ADAMTS18: variants seen among roughly 807,000 people sequenced by gnomAD.
ADAMTS18 encodes the protein ADAM metallopeptidase with thrombospondin type 1 motif 18.
A neutral mutation model predicts 165.9 loss-of-function variants in ADAMTS18; 157 were observed. The ratio of observed to expected loss-of-function variants is 0.95; its 90% CI spans 0.83 to 1.08. The LOEUF (loss-of-function observed/expected upper bound fraction) is 1.08. Among genes scored for constraint, ADAMTS18 ranks in the 50% least tolerant of loss-of-function variants. ADAMTS18 has a pLI of 0.00. For missense variants in ADAMTS18, 2,040 were observed against 1,534.0 expected, an observed-to-expected ratio of 1.33 and a Z score of -5.51; for synonymous variants, 782 against 578.2, an observed-to-expected ratio of 1.35 and a Z score of -5.06.
intron 3 of ADAMTS18, among the ~76,000 whole-genome samples, chr16:77,378,220 G>C (rs1412319226): frequency 2.0e-5 from 3 of 152,068 alleles, no homozygotes; most frequent in Non-Finnish European, 4.4e-5. Context: ...AGCTACTCAG[G>C]AGATTGAGGT....
intron 3 of ADAMTS18, among the ~76,000 whole-genome samples, chr16:77,408,900 T>C (rs1386986351): frequency 6.6e-6 from 1 of 152,142 alleles, no homozygotes; most frequent in Non-Finnish European, 1.5e-5. Context: ...TTAAAATAGA[T>C]GAGTAATTAT....
chr16:77,422,161 TA>T (rs1290822229), intron 3 of ADAMTS18, among the ~76,000 whole-genome samples: 1 of 151,898 alleles, frequency 6.6e-6, no homozygotes, highest in Non-Finnish European at 1.5e-5. Flanking sequence ...AATCCATAAA[TA>T]AAAATATGGT....
chr16:77,287,811 A>G (rs1041776180), intron 22 of ADAMTS18, among the ~76,000 whole-genome samples: 1 of 152,074 alleles, frequency 6.6e-6, no homozygotes, highest in African/African-American at 2.4e-5. Flanking sequence ...TATGCACCCT[A>G]TGACTCCCCT....
At chr16:77,293,312 A>AC in intron 19 of ADAMTS18, 54 bp from the exon 20 acceptor site, 3 of 1,386,756 alleles carry the variant, frequency 2.2e-6, no homozygotes, top group South Asian at 2.4e-5. Flanking sequence ...CAGTAGCCAC[A>AC]TTAAAAAAAA....
Position 77,381,750 on chromosome 16 carries a change from C to T in ADAMTS18, c.496-14027G>A, listed in dbSNP as rs528852861. Among the ~76,000 whole-genome samples the T allele has an allele frequency of 3.6e-3, 551 of 152,178 alleles. 4 individuals carry two copies. Among genetic ancestry groups the T allele is most frequent in the Middle Eastern group, 0.01 (3 of 294 alleles). On this transcript the variant is annotated intron_variant, in intron 3 of 22. Transcript: ENST00000282849. ...CCAGGAGGCGGAGGTTGCAGTGAGCCGAGATCATGCCACTGCAGTCCACCC... is the reference window on the plus strand; with the variant it reads ...CCAGGAGGCGGAGGTTGCAGTGAGCTGAGATCATGCCACTGCAGTCCACCC...
intron 3 of ADAMTS18, among the ~76,000 whole-genome samples, chr16:77,396,626 T>C (rs2057260704): frequency 6.6e-6 from 1 of 152,022 alleles, no homozygotes. Context: ...AGAGAGGAAG[T>C]TCAAAATTCC....
intron 16 of ADAMTS18, among the ~76,000 whole-genome samples, chr16:77,317,415 C>A (rs1213636264): frequency 1.3e-5 from 2 of 152,156 alleles, no homozygotes. Context: ...CTCACTGCAA[C>A]CTGTGCCTCC....
chr16:77,325,872 C>A lies in ADAMTS18; in HGVS notation c.2026G>T (p.Val676Leu), dbSNP rs200959747. ...GTCATAGAGACCAAATTACCTTCCA[C>A]TTTTGTATAGGGTTTCCACTGGTAG... ...WFYQWKPYTKVEEEDRCKLYC... is the reference protein window; with the variant it reads ...WFYQWKPYTKLEEEDRCKLYC... The change falls in exon 13 of 23, where the codon GTG becomes TTG. Residue 676 changes from valine to leucine, a missense_variant. Coordinates refer to ENST00000282849, the MANE Select transcript of ADAMTS18 (RefSeq NM_199355.4). 5.0e-5 allele frequency: 80 copies of A among 1,613,594 alleles called. No individual in the cohort carries two copies. The highest frequency in any genetic ancestry group is 6.4e-5 in the Non-Finnish European group (75 of 1,179,714).
chr16:77,359,293 A>C (rs545547118), intron 8 of ADAMTS18, 25 bp downstream of exon 8: 1 of 1,591,686 alleles, frequency 6.3e-7, no homozygotes, highest in Non-Finnish European at 8.6e-7. Context: ...TTTCACATAA[A>C]GTAGTGGTTC....
At chr16:77,414,713 T>A (rs1384068954) in intron 3 of ADAMTS18, among the ~76,000 whole-genome samples, 1 of 152,184 alleles carries the variant, frequency 6.6e-6, no homozygotes, top group African/African-American at 2.4e-5. Context: ...ATCTACTGCA[T>A]ACTAAAATTA....
chr16:77,434,773 G>T lies in ADAMTS18; in HGVS notation c.-78C>A. ...CACGGGCGGCGCGCATTCTTTCCGC[G>T]GCCCCGGAGCTCGGCGCCCCAGGTG... On this transcript the variant is annotated 5_prime_UTR_variant, in exon 1 of 23. Coordinates refer to ENST00000282849, the MANE Select transcript of ADAMTS18 (RefSeq NM_199355.4). 1.6e-6 allele frequency: 2 copies of T among 1,233,188 alleles called. No individual in the cohort carries two copies. The highest frequency in any genetic ancestry group is 2.1e-6 in the Non-Finnish European group (2 of 960,366). The allele number at this position is 1,233,188 out of a possible 1,614,324, so 76.4% of individuals were successfully genotyped here.
chr16:77,397,297 C>A (rs762309645), intron 3 of ADAMTS18, among the ~76,000 whole-genome samples: 1 of 152,120 alleles, frequency 6.6e-6, no homozygotes, highest in Non-Finnish European at 1.5e-5. Flanking sequence ...AAAAGAAGGG[C>A]AGAGTCCTCA....
chr16:77,285,675 G>A (rs989725662), intron 22 of ADAMTS18, among the ~76,000 whole-genome samples: 6 of 151,962 alleles, frequency 3.9e-5, no homozygotes, highest in African/African-American at 1.4e-4. Flanking sequence ...TGCTTTTTTT[G>A]ATTATAATTA....
intron 12 of ADAMTS18, among the ~76,000 whole-genome samples, chr16:77,334,316 G>C (rs531387878): frequency 1.1e-5 from 1 of 89,650 alleles, no homozygotes; most frequent in African/African-American, 4.9e-5. Context: ...ATAATATAAA[G>C]TATAAATAAT....
At chr16:77,300,740 C>A (rs185863626) in intron 16 of ADAMTS18, among the ~76,000 whole-genome samples, 7 of 152,252 alleles carry the variant, frequency 4.6e-5, no homozygotes, top group Admixed American at 4.6e-4. Context: ...AAAGGTTATA[C>A]TGTTGGGTCT....
At chr16:77,360,830 T>G (rs971104049) in intron 7 of ADAMTS18, among the ~76,000 whole-genome samples, 4 of 152,176 alleles carry the variant, frequency 2.6e-5, no homozygotes, top group African/African-American at 9.6e-5. Context: ...CTCATGCCCG[T>G]AATCCCAGCA....
intron 10 of ADAMTS18, among the ~76,000 whole-genome samples, chr16:77,349,403 G>T (rs1392356779): frequency 2.0e-5 from 3 of 151,216 alleles, no homozygotes; most frequent in African/African-American, 7.3e-5. Context: ...AGTCACCCCA[G>T]CCCACCAGAC....
At chr16:77,344,870 G>A (rs185181977) in intron 10 of ADAMTS18, among the ~76,000 whole-genome samples, 110 of 152,214 alleles carry the variant, frequency 7.2e-4, no homozygotes, top group Non-Finnish European at 1.3e-3. Flanking sequence ...GACCATGAAA[G>A]CCCCTTGAGA....
Position 77,357,619 on chromosome 16 carries a change from A to G in ADAMTS18, c.1323-1542T>C, listed in dbSNP as rs961915044. 9.2e-5 allele frequency among the ~76,000 whole-genome samples: 14 copies of G among 152,214 alleles called. 1 individual carries two copies. The highest frequency in any genetic ancestry group is 1.6e-4 in the Non-Finnish European group (11 of 68,040). ...GAAGCCATTACGCTAGAGGAAAAGA[A>G]CTTACTTAGAACTTCAGTGGAATTT... On this transcript the variant is annotated intron_variant, in intron 8 of 22. Transcript: ENST00000282849.
Sources: allele counts gnomAD v4.1 joint callset (sites outside exome capture counted in the v4.1 genomes callset), GRCh38; gene constraint gnomAD v4.1.1; transcripts MANE v1.5; gene names NCBI Gene and HGNC (gene_info 2026-07-23, HGNC 2026-07-21).